Variants in CHD7 observed in about 807,000 individuals in gnomAD.
The protein encoded by CHD7 is chromodomain helicase DNA binding protein 7.
In CHD7, 24 loss-of-function variants were observed where a neutral mutation model predicts 307.3. That is an observed-to-expected ratio of 0.08 (90% CI 0.06 to 0.11). CHD7 has a LOEUF of 0.11. Among genes scored for constraint, CHD7 ranks in the 10% least tolerant of loss-of-function variants. The probability of loss-of-function intolerance (pLI) is 1.00; values close to 1 mark genes in which losing one functional copy is unlikely to be tolerated. For synonymous variants in CHD7, 1,363 were observed against 1,349.9 expected (o/e 1.01, Z -0.21); for missense variants, 3,106 against 3,727.1 (o/e 0.83, Z 4.34).
chr8:60,795,965 T>A (rs1812010237), intron 4 of CHD7, among the ~76,000 whole-genome samples: 2 of 152,194 alleles, frequency 1.3e-5, no homozygotes, highest in African/African-American at 4.8e-5. Context: ...ACTGGACTTT[T>A]TCTTATTTAG....
intron 3 of CHD7, among the ~76,000 whole-genome samples, chr8:60,790,565 A>G (rs996339469): frequency 6.6e-6 from 1 of 152,184 alleles, no homozygotes; most frequent in Non-Finnish European, 1.5e-5. Context: ...TGAGTTAATG[A>G]GAAAAATATT....
At chr8:60,788,773 T>C (rs1811629456) in intron 3 of CHD7, among the ~76,000 whole-genome samples, 1 of 152,210 alleles carries the variant, frequency 6.6e-6, no homozygotes, top group Non-Finnish European at 1.5e-5. Context: ...ACTGGATATC[T>C]TGGTGTGAAG....
intron 5 of CHD7, 47 bp from the exon 6 acceptor site, chr8:60,801,481 G>A: frequency 7.3e-7 from 1 of 1,376,110 alleles, no homozygotes; most frequent in Admixed American, 2.0e-5. Flanking sequence ...TATAGCTTAG[G>A]ATGAGATGTT....
chr8:60,762,504 C>T (rs1810264141), intron 2 of CHD7, among the ~76,000 whole-genome samples: 1 of 152,178 alleles, frequency 6.6e-6, no homozygotes, highest in South Asian at 2.1e-4. Context: ...TTCTCTGTGC[C>T]TCAGTTTTCT....
chr8:60,744,815 A>G (rs1291294085), intron 2 of CHD7, among the ~76,000 whole-genome samples: 1 of 151,276 alleles, frequency 6.6e-6, no homozygotes, highest in African/African-American at 2.4e-5. Context: ...AGATTGTGCC[A>G]CTTCACTCCA....
chr8:60,849,407 T>A (rs1805353572), intron 25 of CHD7, among the ~76,000 whole-genome samples: 2 of 152,216 alleles, frequency 1.3e-5, no homozygotes, highest in Non-Finnish European at 2.9e-5. Context: ...CCATATTTGT[T>A]TTAATAATAG....
intron 3 of CHD7, among the ~76,000 whole-genome samples, chr8:60,786,862 T>C (rs1206734992): frequency 6.6e-6 from 1 of 152,188 alleles, no homozygotes; most frequent in Non-Finnish European, 1.5e-5. Flanking sequence ...TTTATGTTAG[T>C]TGTCTTCTGC....
Position 60,733,237 on chromosome 8 carries a change from TAA to T in CHD7, c.-174-8009_-174-8008del, listed in dbSNP as rs11346238. Among the ~76,000 whole-genome samples, 364 of 145,724 alleles carry T rather than the reference TAA, an allele frequency of 2.5e-3. 1 individual carries two copies. Among genetic ancestry groups the T allele is most frequent in the Middle Eastern group, 0.024 (7 of 290 alleles). On this transcript the variant is annotated intron_variant, in intron 1 of 37. Transcript: ENST00000423902. ...GGTGACAGAGCGAGACCCTGTCTCT[TAA>T]AAAAAAAAAAAAGATATGGGATAGA...
chr8:60,680,582 C>T (rs566363018), intron 1 of CHD7, among the ~76,000 whole-genome samples: 1 of 151,984 alleles, frequency 6.6e-6, no homozygotes, highest in Admixed American at 6.5e-5. Context: ...TCCCGGCCGG[C>T]CGCCCGCTTT....
At chr8:60,819,979 T>C in intron 8 of CHD7, 28 bp from the exon 9 acceptor site, 1 of 1,466,730 alleles carries the variant, frequency 6.8e-7, no homozygotes, top group Non-Finnish European at 9.4e-7. Context: ...AAGTAAACCT[T>C]TAACTTTTTT....
intron 1 of CHD7, among the ~76,000 whole-genome samples, chr8:60,710,940 C>T (rs1030137711): frequency 2.6e-5 from 4 of 152,200 alleles, no homozygotes; most frequent in South Asian, 4.1e-4. Context: ...TTACACTAGG[C>T]GATGAAAGAG....
intron 3 of CHD7, among the ~76,000 whole-genome samples, chr8:60,783,918 G>C (rs1335039358): frequency 2.0e-5 from 3 of 152,198 alleles, no homozygotes; most frequent in African/African-American, 7.2e-5. Flanking sequence ...AGGGATGGCT[G>C]TCCAAGCATA....
At chr8:60,802,460 A>C (rs1472661591) in intron 6 of CHD7, among the ~76,000 whole-genome samples, 1 of 152,140 alleles carries the variant, frequency 6.6e-6, no homozygotes, top group Non-Finnish European at 1.5e-5. Context: ...TCAATTCCAC[A>C]CAGTTCTTTT....
chr8:60,773,021 C>T (rs1810784550), intron 2 of CHD7, among the ~76,000 whole-genome samples: 1 of 152,182 alleles, frequency 6.6e-6, no homozygotes, highest in Non-Finnish European at 1.5e-5. Flanking sequence ...TCTGTCATTT[C>T]CATTCAGTCA....
intron 3 of CHD7, among the ~76,000 whole-genome samples, chr8:60,787,044 T>G (rs1586326686): frequency 6.6e-6 from 1 of 152,160 alleles, no homozygotes; most frequent in Non-Finnish European, 1.5e-5. Context: ...CACTTCTTTT[T>G]TTTTCTTTAA....
Position 60,853,407 on chromosome 8 carries a change from G to A in CHD7, c.6682G>A (p.Gly2228Arg), listed in dbSNP as rs200907656. 1.6e-5 allele frequency: 25 copies of A among 1,529,356 alleles called. No homozygotes were observed. The African/African-American group carries it at 2.9e-4, about 18-fold the overall frequency. The allele number at this position is 1,529,356 out of a possible 1,614,324, so 94.7% of individuals were successfully genotyped here. ...AGGTGTTGAGGTCGGCGCAGACACT[G>A]GGTCCAAATCTATTTCAGAGAAAGG... ...LKGVEVGADT[G>R]SKSISEKGSE... The change falls in exon 31 of 38, where the codon GGG becomes AGG. Residue 2228 changes from glycine to arginine, a missense_variant. Coordinates refer to ENST00000423902, the MANE Select transcript of CHD7 (RefSeq NM_017780.4).
intron 2 of CHD7, among the ~76,000 whole-genome samples, chr8:60,760,889 G>C (rs1341624593): frequency 6.6e-6 from 1 of 152,176 alleles, no homozygotes; most frequent in African/African-American, 2.4e-5. Context: ...TTACACTGTT[G>C]GTGGGGCTGT....
rs1586472203 is a variant in CHD7 at position 60,868,007 on chromosome 8, A to T, written c.*2074A>T. 6.6e-6 allele frequency: 1 copy of T among 152,348 alleles called. No individual in the cohort carries two copies. The highest frequency in any genetic ancestry group is 6.5e-5 in the Admixed American group (1 of 15,312). The allele number at this position is 152,348 out of a possible 1,614,324, so 9.4% of individuals were successfully genotyped here. ...GAGAATTTGCTTAATAAAATGAGTC[A>T]TTAAAGGGTGTTTTTTTTAAAGTTC... On this transcript the variant is annotated 3_prime_UTR_variant, in exon 38 of 38. Transcript: ENST00000423902.
intron 1 of CHD7, among the ~76,000 whole-genome samples, chr8:60,680,456 G>A (rs1457475929): frequency 1.4e-5 from 2 of 147,824 alleles, no homozygotes; most frequent in East Asian, 2.0e-4. Flanking sequence ...TGGGGGCGCT[G>A]GTCGGGAGGC....
Sources: allele counts gnomAD v4.1 joint callset (sites outside exome capture counted in the v4.1 genomes callset), GRCh38; gene constraint gnomAD v4.1.1; transcripts MANE v1.5; gene names NCBI Gene and HGNC (gene_info 2026-07-23, HGNC 2026-07-21).